The following PDE8B variants were observed in gnomAD, a reference collection of about 807,000 sequenced individuals.
PDE8B encodes the protein high affinity cAMP-specific and IBMX-insensitive 3',5'-cyclic phosphodiesterase 8B.
In PDE8B, 26 loss-of-function variants were observed where a neutral mutation model predicts 101.3. The observed-to-expected ratio is 0.26, with a 90% CI of 0.19 to 0.36. The LOEUF (loss-of-function observed/expected upper bound fraction) is 0.36. Ranked by LOEUF, PDE8B falls within the 10% of genes least tolerant of loss-of-function variation. PDE8B has a pLI of 1.00. For missense variants in PDE8B, 810 were observed against 1,163.1 expected (o/e 0.70, Z 4.42); for synonymous variants, 424 against 429.3 (o/e 0.99, Z 0.15).
chr5:77,313,856 C>T (rs1773218884), intron 2 of PDE8B, among the ~76,000 whole-genome samples: 2 of 152,184 alleles, frequency 1.3e-5, no homozygotes, highest in African/African-American at 2.4e-5. Flanking sequence ...ACTCACTCTT[C>T]GTATGTATGT....
chr5:77,271,349 C>T (rs1242949755), intron 1 of PDE8B, among the ~76,000 whole-genome samples: 1 of 152,198 alleles, frequency 6.6e-6, no homozygotes, highest in Admixed American at 6.5e-5. Context: ...ACTTGCCACC[C>T]TGGAAGGCTG....
chr5:77,296,160 C>A (rs1768510394), intron 1 of PDE8B, among the ~76,000 whole-genome samples: 1 of 146,726 alleles, frequency 6.8e-6, no homozygotes. Context: ...TCTTCTTCAT[C>A]ATCTTCTTCT....
chr5:77,383,029 G>C (rs902197163), intron 10 of PDE8B, among the ~76,000 whole-genome samples: 4 of 152,174 alleles, frequency 2.6e-5, no homozygotes, highest in African/African-American at 9.7e-5. Context: ...TTCCACAATG[G>C]TTGAACTAGT....
At chr5:77,136,204 A>G in the PDE8B span, among the ~76,000 whole-genome samples, 371 of 152,088 alleles carry the variant, frequency 2.4e-3, 11 homozygotes, top group East Asian at 0.061. Context: ...TTCTTATCTA[A>G]GGATGTTATT....
At chr5:77,169,493 C>T in the PDE8B span, among the ~76,000 whole-genome samples, 413 of 152,290 alleles carry the variant, frequency 2.7e-3, 2 homozygotes, top group African/African-American at 9.6e-3. Flanking sequence ...GGAGACCACA[C>T]TTTGAGAACT....
At chr5:77,326,744 T>G (rs911972602) in intron 3 of PDE8B, among the ~76,000 whole-genome samples, 11 of 152,198 alleles carry the variant, frequency 7.2e-5, no homozygotes, top group African/African-American at 2.7e-4. Flanking sequence ...TTGATGATTT[T>G]ATAATAGAAT....
chr5:77,095,089 G>T, the PDE8B span, among the ~76,000 whole-genome samples: 1 of 152,150 alleles, frequency 6.6e-6, no homozygotes, highest in Non-Finnish European at 1.5e-5. Flanking sequence ...TCAAAAAATT[G>T]CCCTTGTTTG....
At chr5:77,265,867 C>T (rs967753579) in intron 1 of PDE8B, among the ~76,000 whole-genome samples, 1 of 152,172 alleles carries the variant, frequency 6.6e-6, no homozygotes, top group African/African-American at 2.4e-5. Context: ...TCAAGTTGTC[C>T]TTGATCAAGA....
chr5:77,180,224 G>T, the PDE8B span, among the ~76,000 whole-genome samples: 3 of 152,200 alleles, frequency 2.0e-5, no homozygotes, highest in East Asian at 5.8e-4. Context: ...CACACCCCGG[G>T]AGGGGCGCTA....
chr5:77,324,236 C>T (rs1775636349), intron 2 of PDE8B, among the ~76,000 whole-genome samples: 1 of 152,126 alleles, frequency 6.6e-6, no homozygotes, highest in Non-Finnish European at 1.5e-5. Flanking sequence ...GGTGGTTTTA[C>T]ATGTTATTCA....
chr5:77,375,175 C>T (rs531190078), intron 10 of PDE8B, among the ~76,000 whole-genome samples: 11 of 152,330 alleles, frequency 7.2e-5, no homozygotes, highest in African/African-American at 2.6e-4. Flanking sequence ...TCTAGGACTT[C>T]TACTGGCAGT....
chr5:77,393,494 T>C (rs961051375), intron 10 of PDE8B, among the ~76,000 whole-genome samples: 13 of 152,014 alleles, frequency 8.6e-5, no homozygotes, highest in African/African-American at 3.1e-4. Context: ...GGATAAATTA[T>C]AGTACCTTGC....
At chr5:77,420,893 A>G (rs1045234542) in intron 19 of PDE8B, among the ~76,000 whole-genome samples, 1 of 152,254 alleles carries the variant, frequency 6.6e-6, no homozygotes, top group Non-Finnish European at 1.5e-5. Flanking sequence ...AAAAACCTCC[A>G]GAACATATTC....
At position 77,426,713 on chromosome 5, in the gene PDE8B, C is replaced by T; in HGVS notation, c.*159C>T. On this transcript the variant is annotated 3_prime_UTR_variant, in exon 22 of 22. Transcript: ENST00000264917. ...ATCATTCAAGTCCCCAAATTTCATT[C>T]TTAGAAAGTTATGTTCCATGAAGAA... is the stretch of plus-strand genomic sequence containing the variant. 1.5e-6 allele frequency: 1 copy of T among 664,722 alleles called. No homozygotes were observed. Among genetic ancestry groups the T allele is most frequent in the East Asian group, 2.7e-5 (1 of 36,448 alleles). The allele number at this position is 664,722 out of a possible 1,614,324, so 41.2% of individuals were successfully genotyped here.
At chr5:77,134,131 T>C in the PDE8B span, among the ~76,000 whole-genome samples, 5 of 152,140 alleles carry the variant, frequency 3.3e-5, no homozygotes, top group Admixed American at 6.5e-5. Flanking sequence ...ACTGGTCATA[T>C]CAGATACTGT....
intron 10 of PDE8B, among the ~76,000 whole-genome samples, chr5:77,379,497 G>T (rs1787035024): frequency 6.6e-6 from 1 of 152,148 alleles, no homozygotes; most frequent in African/African-American, 2.4e-5. Flanking sequence ...TACTGAAGTG[G>T]TATGATACCA....
At chr5:77,393,671 G>A (rs898991339) in intron 10 of PDE8B, among the ~76,000 whole-genome samples, 1 of 152,140 alleles carries the variant, frequency 6.6e-6, no homozygotes, top group Non-Finnish European at 1.5e-5. Flanking sequence ...TGGCTTTGCT[G>A]GAACTTTATA....
intron 10 of PDE8B, among the ~76,000 whole-genome samples, chr5:77,359,040 C>G (rs1782630669): frequency 6.6e-6 from 1 of 152,052 alleles, no homozygotes; most frequent in South Asian, 2.1e-4. Flanking sequence ...ACGTTTGGAA[C>G]AGCCAACCCC....
the PDE8B span, among the ~76,000 whole-genome samples, chr5:77,108,101 T>A: frequency 7.4e-3 from 1,126 of 152,336 alleles, 9 homozygotes; most frequent in Middle Eastern, 0.017. Context: ...GTTATAGCAC[T>A]GGGATTGCAA....
Sources: allele counts gnomAD v4.1 joint callset (sites outside exome capture counted in the v4.1 genomes callset), GRCh38; gene constraint gnomAD v4.1.1; transcripts MANE v1.5; gene names NCBI Gene and HGNC (gene_info 2026-07-23, HGNC 2026-07-21).